The following PRKCH variants were observed in gnomAD, a reference collection of about 807,000 sequenced individuals.
The protein encoded by PRKCH is protein kinase C eta, also known as protein kinase C eta type.
In PRKCH, 28 loss-of-function variants were observed where a neutral mutation model predicts 82.5. The observed-to-expected ratio is 0.34, with a 90% confidence interval of 0.25 to 0.47. The LOEUF is 0.47. Among genes scored for constraint, PRKCH ranks in the 20% least tolerant of loss-of-function variants. The probability of loss-of-function intolerance (pLI) is 1.00; values close to 1 mark genes in which losing one functional copy is unlikely to be tolerated. For synonymous variants in PRKCH, 322 were observed against 327.4 expected, an observed-to-expected ratio of 0.98 and a Z score of 0.18; for missense variants, 705 against 881.8, an observed-to-expected ratio of 0.80 and a Z score of 2.54.
intron 1 of PRKCH, among the ~76,000 whole-genome samples, chr14:61,379,814 A>G (rs1291166868): frequency 1.3e-5 from 2 of 152,184 alleles, no homozygotes; most frequent in Non-Finnish European, 2.9e-5. Context: ...ACCTCTTCCT[A>G]GTAAGGAGAA....
rs2044785204 is a variant in PRKCH, at chr14:61,236,043, A to G, written c.-19+48375A>G. Among the ~76,000 whole-genome samples the G allele has an allele frequency of 2.0e-5, 3 of 152,162 alleles. No homozygotes were observed. The South Asian group carries it at 6.2e-4, about 32-fold the overall frequency. Reference sequence around the variant, plus strand: ...TGGAATTCAGGCATAATTGACCAGCATTAATATTAAAACAGAGATCTTAAG... The same window carrying G: ...TGGAATTCAGGCATAATTGACCAGCGTTAATATTAAAACAGAGATCTTAAG... On this transcript the variant is annotated intron_variant, in intron 1 of 3. Transcript: ENST00000555185.
At position 61,280,210 on chromosome 14, in the gene PRKCH, T is replaced by C; in HGVS notation, c.-19+92542T>C. On this transcript the variant is annotated intron_variant, in intron 1 of 3. Transcript: ENST00000555185. This position sits in a 1 kb window ranked among gnomAD's most constrained non-coding sequence, Gnocchi z 5.0. The stretch of plus-strand genomic sequence containing the variant: ...GTAGGCGATGCCCAGGAAGGGGTTC[T>C]TGCCACCCATCCACGAGATGCTGCT... 1 of 1,614,040 alleles carries C rather than the reference T, an allele frequency of 6.2e-7. No individual in the cohort carries two copies. The highest frequency in any genetic ancestry group is 1.1e-5 in the South Asian group (1 of 91,056).
At chr14:61,429,260 C>T (rs765200960) in intron 2 of PRKCH, among the ~76,000 whole-genome samples, 1 of 150,010 alleles carries the variant, frequency 6.7e-6, no homozygotes, top group African/African-American at 2.5e-5. Flanking sequence ...GATTTTTATA[C>T]CATTTTCATC....
chr14:61,493,758 C>T (rs4902068), intron 10 of PRKCH, among the ~76,000 whole-genome samples: 140,753 of 151,840 alleles, frequency 0.93, 65,725 homozygotes, highest in Non-Finnish European at 0.99. Flanking sequence ...CCATGGTAAG[C>T]AGCAGCCAGG....
intron 1 of PRKCH, among the ~76,000 whole-genome samples, chr14:61,378,899 ATTGGAC>A (rs1413214758): frequency 6.6e-6 from 1 of 152,182 alleles, no homozygotes; most frequent in Non-Finnish European, 1.5e-5. Context: ...CACTCAGACC[ATTGGAC>A]TTGCCTTGAA....
intron 1 of PRKCH, among the ~76,000 whole-genome samples, chr14:61,285,483 G>A (rs2351807): frequency 0.088 from 13,438 of 152,190 alleles, 1,250 homozygotes; most frequent in African/African-American, 0.23. Flanking sequence ...CTGTACGAAC[G>A]TGTTTACCAA....
At chr14:61,258,546 C>T (rs1203414246) in intron 1 of PRKCH, among the ~76,000 whole-genome samples, 1 of 152,152 alleles carries the variant, frequency 6.6e-6, no homozygotes, top group African/African-American at 2.4e-5. Context: ...GTGCCACATT[C>T]CTTCAGCTCC....
chr14:61,394,099 G>A (rs1193373290), intron 2 of PRKCH, among the ~76,000 whole-genome samples: 1 of 152,102 alleles, frequency 6.6e-6, no homozygotes, highest in Non-Finnish European at 1.5e-5. Context: ...TGCAAAATTG[G>A]TTACACTTTC....
At chr14:61,303,833 A>G (rs1038160689) in intron 1 of PRKCH, 2 of 80,922 alleles carry the variant, frequency 2.5e-5, no homozygotes, top group African/African-American at 3.3e-5. Context: ...TTTTAAAGTT[A>G]TATGTCTGTA....
chr14:61,261,736 C>A (rs1231416553), intron 1 of PRKCH, among the ~76,000 whole-genome samples: 1 of 151,824 alleles, frequency 6.6e-6, no homozygotes, highest in Non-Finnish European at 1.5e-5. Flanking sequence ...ATGGACCTGA[C>A]ACAAAAGGAT....
intron 1 of PRKCH, among the ~76,000 whole-genome samples, chr14:61,268,595 G>A (rs952488993): frequency 2.0e-5 from 3 of 152,098 alleles, no homozygotes; most frequent in African/African-American, 7.2e-5. Context: ...TTGAACCCGG[G>A]AGGCGGAGGT....
At chr14:61,320,684 C>A (rs553106091), upstream of PRKCH, among the ~76,000 whole-genome samples, 1 of 152,206 alleles carries the variant, frequency 6.6e-6, no homozygotes, top group African/African-American at 2.4e-5. Context: ...AGGGAGCAAG[C>A]TTTGCGGCAT....
intron 10 of PRKCH, among the ~76,000 whole-genome samples, chr14:61,491,791 A>G (rs1221638832): frequency 2.0e-5 from 3 of 152,206 alleles, no homozygotes; most frequent in African/African-American, 7.2e-5. Context: ...CCCTTCTGCC[A>G]AGGATATGGA....
rs1555371277 is a variant in PRKCH at position 61,247,755 on chromosome 14, A to AAAAAAG, written c.-19+60090_-19+60091insAAGAAA. Reference sequence around the variant, plus strand: ...CATCTCAAAAAAAAAAAAAAAAAAAAAAAGAAAGAAAGAAAGGAATTGAAC... The same window carrying AAAAAAG: ...CATCTCAAAAAAAAAAAAAAAAAAAAAAAAAGAAAGAAAGAAAGAAAGGAATTGAAC... On this transcript the variant is annotated intron_variant, in intron 1 of 3. Coordinates refer to the PRKCH transcript ENST00000555185. Among the ~76,000 whole-genome samples the AAAAAAG allele has an allele frequency of 6.0e-5, 9 of 149,436 alleles. No homozygotes were observed. In the East Asian group the frequency reaches 1.4e-3, roughly 23 times the overall value.
intron 2 of PRKCH, among the ~76,000 whole-genome samples, chr14:61,433,151 C>G (rs1883503398): frequency 6.6e-6 from 1 of 151,526 alleles, no homozygotes; most frequent in Non-Finnish European, 1.5e-5. Context: ...TCAAATTAGT[C>G]TGTTTACAGT....
chr14:61,324,692 C>T (rs1194857859), intron 1 of PRKCH, among the ~76,000 whole-genome samples: 1 of 152,174 alleles, frequency 6.6e-6, no homozygotes, highest in African/African-American at 2.4e-5. Flanking sequence ...CTTGTGGCCT[C>T]AAGCCATCCT....
At chr14:61,328,204 T>A (rs2045726116) in intron 1 of PRKCH, among the ~76,000 whole-genome samples, 2 of 139,114 alleles carry the variant, frequency 1.4e-5, no homozygotes, top group African/African-American at 5.6e-5. Flanking sequence ...GAGCCGAGAT[T>A]GCGCCACTGC....
Position 61,280,264 on chromosome 14 carries a change from G to A in PRKCH, c.-19+92596G>A. 1.2e-6 allele frequency: 2 copies of A among 1,614,102 alleles called. No homozygotes were observed. The highest frequency in any genetic ancestry group is 1.7e-6 in the Non-Finnish European group (2 of 1,180,014). On this transcript the variant is annotated intron_variant, in intron 1 of 3. Transcript: ENST00000555185. The surrounding 1 kb of genome is among the most constrained non-coding windows in gnomAD (Gnocchi z 5.0). ...GATGAGGAGCTTGTGGCCGCCGAAC[G>A]CGCGCACCGGGTAGTTGTAGGTGAT... is the stretch of plus-strand genomic sequence containing the variant.
intron 1 of PRKCH, among the ~76,000 whole-genome samples, chr14:61,387,909 A>T (rs2046613038): frequency 6.6e-6 from 1 of 152,150 alleles, no homozygotes. Context: ...GCACTTTGGG[A>T]GGCTGAGGTG....
Sources: gnomAD v4.1 joint callset for allele counts (sites outside exome capture counted in the v4.1 genomes callset) on GRCh38, gnomAD v4.1.1 for gene constraint, Gnocchi (gnomAD v3.1) non-coding constraint, MANE v1.5 for transcripts, NCBI Gene and HGNC (gene_info 2026-07-23, HGNC 2026-07-21) for gene names.